MPPE1: variants seen among roughly 807,000 people sequenced by gnomAD.
MPPE1 encodes the protein metallophosphoesterase 1.
MPPE1 carries 28 observed loss-of-function variants against 43.8 expected under a neutral mutation model. That is an observed-to-expected ratio of 0.64 (90% CI 0.47 to 0.88). The LOEUF is 0.88. Among genes scored for constraint, MPPE1 ranks in the 40% least tolerant of loss-of-function variants. The pLI is 0.00. For missense variants in MPPE1, 428 were observed against 492.2 expected (o/e 0.87, Z 1.23); for synonymous variants, 159 against 188.5 (o/e 0.84, Z 1.28).
At chr18:11,890,956 A>C (rs1487178433) in intron 4 of MPPE1, among the ~76,000 whole-genome samples, 1 of 152,256 alleles carries the variant, frequency 6.6e-6, no homozygotes, top group African/African-American at 2.4e-5. Context: ...TACTTGCTTT[A>C]ACTATTAAAA....
At position 11,883,632 on chromosome 18, in the gene MPPE1, T is replaced by C. The variant is rs1476381431; in HGVS notation, c.*813A>G. Reference sequence around the variant, plus strand: ...CACTTATCTAAAAATCTGATTCCATTAATTGATCAAGTATAAAAATCTACG... The same window carrying C: ...CACTTATCTAAAAATCTGATTCCATCAATTGATCAAGTATAAAAATCTACG... On this transcript the variant is annotated 3_prime_UTR_variant, in exon 11 of 11. Coordinates refer to ENST00000588072, the MANE Select transcript of MPPE1 (RefSeq NM_023075.6). 1 of 153,338 alleles carries C rather than the reference T, an allele frequency of 6.5e-6. No individual in the cohort carries two copies. The allele number at this position is 153,338 out of a possible 1,614,324, so 9.5% of individuals were successfully genotyped here.
Position 11,894,040 on chromosome 18 carries a change from T to C in MPPE1, c.282-464A>G, listed in dbSNP as rs148416076. Among the ~76,000 whole-genome samples, 29 of 152,238 alleles carry C rather than the reference T, an allele frequency of 1.9e-4. No homozygotes were observed. In the East Asian group the frequency reaches 5.4e-3, roughly 28 times the overall value. ...AGGGGAGATGACAAGAGAAATAGGC[T>C]AGCTAATATCAAAACAGGAACCAAT... On this transcript the variant is annotated intron_variant, in intron 3 of 10. Coordinates refer to ENST00000588072, the MANE Select transcript of MPPE1 (RefSeq NM_023075.6).
At chr18:11,902,723 T>A (rs672147) in intron 2 of MPPE1, 5 of 152,070 alleles carry the variant, frequency 3.3e-5, no homozygotes, top group African/African-American at 9.7e-5. Context: ...AGAGTGAGCC[T>A]TGTTTGAGCA....
chr18:11,886,829 G>A lies in MPPE1; in HGVS notation c.679-51C>T. The A allele has an allele frequency of 6.2e-7, 1 of 1,600,654 alleles. No individual in the cohort carries two copies. Among genetic ancestry groups the A allele is most frequent in the Non-Finnish European group, 8.5e-7 (1 of 1,171,594 alleles). ...ATCCGCACACCTGACCCTCATCAAA[G>A]GGCAAGAAGCGCTAGGGGGCTGAGT... On this transcript the variant is annotated intron_variant, in intron 7 of 10. Transcript: ENST00000588072. This position sits in a 1 kb window ranked among gnomAD's most constrained non-coding sequence, Gnocchi z 4.1.
chr18:11,897,986 A>G (rs2038766472), intron 2 of MPPE1, among the ~76,000 whole-genome samples: 1 of 152,214 alleles, frequency 6.6e-6, no homozygotes, highest in Admixed American at 6.6e-5. Context: ...CTGACTGCCA[A>G]GATGTCCTTG....
chr18:11,891,043 A>G (rs2037937635), intron 4 of MPPE1: 1 of 152,076 alleles, frequency 6.6e-6, no homozygotes, highest in Non-Finnish European at 1.5e-5. Context: ...AGGGTAGGGA[A>G]AAAAAACAAA....
intron 2 of MPPE1, among the ~76,000 whole-genome samples, chr18:11,898,925 T>C (rs1480920440): frequency 6.7e-6 from 1 of 149,586 alleles, no homozygotes; most frequent in Admixed American, 6.8e-5. Context: ...TTTTTTTTTC[T>C]GAGACAGAAT....
At chr18:11,896,095 C>CTTTTTTTTTTTTTT (rs1178920790) in intron 3 of MPPE1, among the ~76,000 whole-genome samples, 31 of 80,418 alleles carry the variant, frequency 3.9e-4, no homozygotes, top group South Asian at 1.4e-3. Context: ...ATTCTTTATT[C>CTTTTTTTTTTTTTT]TTTTTTTTTT....
intron 2 of MPPE1, among the ~76,000 whole-genome samples, chr18:11,899,797 T>C (rs1025834824): frequency 3.9e-5 from 6 of 152,174 alleles, no homozygotes; most frequent in Non-Finnish European, 8.8e-5. Flanking sequence ...AACATGAATC[T>C]AGGAACTTCA....
intron 2 of MPPE1, among the ~76,000 whole-genome samples, chr18:11,897,829 A>C (rs552657159): frequency 1.3e-5 from 2 of 152,332 alleles, no homozygotes; most frequent in East Asian, 3.9e-4. Context: ...TTTTCCACAA[A>C]ATAAGTGAAT....
intron 2 of MPPE1, among the ~76,000 whole-genome samples, chr18:11,900,725 G>A (rs1219508592): frequency 6.6e-6 from 1 of 151,878 alleles, no homozygotes; most frequent in African/African-American, 2.4e-5. Context: ...GGCTAACACG[G>A]TGAAACCCCA....
rs960997028 is a variant in MPPE1 at position 11,885,734 on chromosome 18, G to A, written c.950C>T (p.Pro317Leu). Reference protein sequence around the residue: ...ACEVHHGGRVPELSVPSFSWR... With the variant: ...ACEVHHGGRVLELSVPSFSWR... ...ACTGAAAGATGGGACGCTGAGCTCG[G>A]GGACTCGGCCCCCGTGGTGCACCTC... Residue 317 changes from proline to leucine, a missense_variant, in exon 10 of 11, where the codon CCC becomes CTC. Pro to Leu is a moderately conservative substitution (Grantham distance 98). This residue lies in a region of MPPE1 where 379 missense variants were observed against 402.5 expected (regional missense o/e 0.94). Transcript: ENST00000588072. 2 of 1,614,046 alleles carry A rather than the reference G, an allele frequency of 1.2e-6. No homozygotes were observed. Among genetic ancestry groups the A allele is most frequent in the Non-Finnish European group, 1.7e-6 (2 of 1,179,934 alleles).
rs2036755521 is a variant in MPPE1, at chr18:11,883,165, A to ATAAC, written c.*1276_*1279dup. 6.6e-6 allele frequency: 1 copy of ATAAC among 152,062 alleles called. No individual in the cohort carries two copies. The highest frequency in any genetic ancestry group is 2.4e-5 in the African/African-American group (1 of 41,340). The allele number at this position is 152,062 out of a possible 1,614,324, so 9.4% of individuals were successfully genotyped here. The stretch of plus-strand genomic sequence containing the variant: ...AATGCTACTTTTTCATGAAGAAAGG[A>ATAAC]TAACTTTATAGACAGTCAGTGCAAC... On this transcript the variant is annotated 3_prime_UTR_variant, in exon 11 of 11. Coordinates refer to ENST00000588072, the MANE Select transcript of MPPE1 (RefSeq NM_023075.6).
Position 11,886,813 on chromosome 18 carries a change from C to A in MPPE1, c.679-35G>T. 1 of 1,605,098 alleles carries A rather than the reference C, an allele frequency of 6.2e-7. No homozygotes were observed. The highest frequency in any genetic ancestry group is 8.5e-7 in the Non-Finnish European group (1 of 1,174,466). ...ACAAGTCAGGCCATTAATCCGCACA[C>A]CTGACCCTCATCAAAGGGCAAGAAG... On this transcript the variant is annotated intron_variant, in intron 7 of 10. Coordinates refer to ENST00000588072, the MANE Select transcript of MPPE1 (RefSeq NM_023075.6). The surrounding 1 kb of genome is among the most constrained non-coding windows in gnomAD (Gnocchi z 4.1).
At chr18:11,900,807 T>C (rs1269464395) in intron 2 of MPPE1, among the ~76,000 whole-genome samples, 2 of 150,600 alleles carry the variant, frequency 1.3e-5, no homozygotes, top group African/African-American at 4.9e-5. Flanking sequence ...CTCGGGAGGA[T>C]GAGGCAGGAG....
chr18:11,893,269 A>G (rs758265679), intron 4 of MPPE1, 199 bp downstream of exon 4: 20 of 528,822 alleles, frequency 3.8e-5, no homozygotes, highest in Middle Eastern at 9.9e-4. Flanking sequence ...AACCTAACTC[A>G]AGATTGAGTT....
At chr18:11,889,681 G>C (rs1340942377) in intron 4 of MPPE1, among the ~76,000 whole-genome samples, 191 bp from the exon 5 acceptor site, 1 of 152,108 alleles carries the variant, frequency 6.6e-6, no homozygotes, top group Non-Finnish European at 1.5e-5. Flanking sequence ...TCCTGCCTCA[G>C]CCTCTGGAGT....
chr18:11,893,126 G>T (rs184368656), intron 4 of MPPE1: 70 of 212,360 alleles, frequency 3.3e-4, no homozygotes, highest in Non-Finnish European at 6.1e-4. Context: ...TTGCAATTTC[G>T]GTGACAACTG....
intron 4 of MPPE1, among the ~76,000 whole-genome samples, chr18:11,892,637 C>T (rs924429488): frequency 6.6e-6 from 1 of 150,514 alleles, no homozygotes; most frequent in African/African-American, 2.4e-5. Context: ...TGCGCCATTG[C>T]ACTCCAGCCT....
Sources: gnomAD v4.1 joint callset for allele counts (sites outside exome capture counted in the v4.1 genomes callset) on GRCh38, gnomAD v4.1.1 for gene constraint, gnomAD v4.1.1 regional missense constraint, Gnocchi (gnomAD v3.1) non-coding constraint, MANE v1.5 for transcripts, NCBI Gene and HGNC (gene_info 2026-07-23, HGNC 2026-07-21) for gene names.